Variants in DNAJC13 observed in about 807,000 individuals in gnomAD.
DNAJC13 encodes dnaJ homolog subfamily C member 13.
Under a neutral mutation model 290.5 loss-of-function variants are expected in DNAJC13, and 75 were observed. That is an observed-to-expected ratio of 0.26 (90% CI 0.21 to 0.31). The LOEUF (loss-of-function observed/expected upper bound fraction) is 0.31, where lower values mean the gene tolerates loss of function less well. DNAJC13 is among the 10% of genes least tolerant of loss of function. DNAJC13 has a pLI of 1.00. For synonymous variants in DNAJC13, 862 were observed against 892.0 expected (o/e 0.97, Z 0.60); for missense variants, 2,260 against 2,674.5 (o/e 0.85, Z 3.42).
chr3:132,499,617 C>T lies in DNAJC13; in HGVS notation c.4342-117C>T. The T allele has an allele frequency of 3.3e-6, 3 of 918,400 alleles. No homozygotes were observed. The Admixed American group carries it at 7.0e-5, about 21-fold the overall frequency. 56.9% of individuals were successfully genotyped at this position (918,400 alleles called of 1,614,324 possible). A position where few individuals can be genotyped will look rare whatever the true frequency, so the allele number is the denominator to read the frequency against. ...TATTTATTAACAAATGTTGATCAAA[C>T]ATTTATGTATCAAATATTTAACATT... On this transcript the variant is annotated intron_variant, in intron 37 of 55. Coordinates refer to ENST00000260818, the MANE Select transcript of DNAJC13 (RefSeq NM_015268.4).
chr3:132,421,147 T>C (rs1339839998), intron 1 of DNAJC13, among the ~76,000 whole-genome samples: 1 of 152,202 alleles, frequency 6.6e-6, no homozygotes, highest in Admixed American at 6.5e-5. Context: ...GTAACATATA[T>C]GTGAATGTAT....
intron 34 of DNAJC13, 105 bp from the exon 35 acceptor site, chr3:132,494,983 T>C: frequency 1.4e-6 from 1 of 740,574 alleles, no homozygotes; most frequent in South Asian, 2.3e-5. Flanking sequence ...TATAATCATA[T>C]ACAATTCTTG....
chr3:132,479,427 A>G, intron 25 of DNAJC13, 138 bp downstream of exon 25: 4 of 608,688 alleles, frequency 6.6e-6, no homozygotes, highest in East Asian at 5.7e-5. Flanking sequence ...TGTGTGCTCT[A>G]ATCTCCTGGA....
chr3:132,495,974 T>C lies in DNAJC13; in HGVS notation c.4021-554T>C, dbSNP rs1281136335. On this transcript the variant is annotated intron_variant, in intron 35 of 55. Coordinates refer to ENST00000260818, the MANE Select transcript of DNAJC13 (RefSeq NM_015268.4). ...ATAAAGCTACAATAGTAAAACAATA[T>C]GATACTGACACAAGAATCTACATAT... is the stretch of plus-strand genomic sequence containing the variant. Among the ~76,000 whole-genome samples, 3 of 152,144 alleles carry C rather than the reference T, an allele frequency of 2.0e-5. No homozygotes were observed. In the East Asian group the frequency reaches 5.8e-4, roughly 29 times the overall value.
chr3:132,529,951 G>T (rs150480760), intron 54 of DNAJC13, among the ~76,000 whole-genome samples: 1 of 152,120 alleles, frequency 6.6e-6, no homozygotes, highest in African/African-American at 2.4e-5. Context: ...GCTCTCCTGC[G>T]TACCACTTGC....
At chr3:132,457,393 A>G in intron 13 of DNAJC13, 25 bp downstream of exon 13, 1 of 1,593,032 alleles carries the variant, frequency 6.3e-7, no homozygotes. Context: ...TCTTAAGGAA[A>G]CTGGTTTTTC....
Position 132,451,305 on chromosome 3 carries a change from G to GA in DNAJC13, c.537+467dup, listed in dbSNP as rs1168176570. On this transcript the variant is annotated intron_variant, in intron 6 of 55. Coordinates refer to ENST00000260818, the MANE Select transcript of DNAJC13 (RefSeq NM_015268.4). Reference sequence around the variant, plus strand: ...GTGAGACCTTGTTCTGCACAAAAAGGAAAAAAAAATGAAAAAAGTAATTTA... The same window carrying GA: ...GTGAGACCTTGTTCTGCACAAAAAGGAAAAAAAAAATGAAAAAAGTAATTTA... Among the ~76,000 whole-genome samples the GA allele has an allele frequency of 1.3e-4, 20 of 149,424 alleles. No homozygotes were observed. The East Asian group carries it at 1.4e-3, about 10-fold the overall frequency.
At chr3:132,472,063 A>C (rs1227654317) in intron 20 of DNAJC13, among the ~76,000 whole-genome samples, 2 of 150,332 alleles carry the variant, frequency 1.3e-5, no homozygotes, top group African/African-American at 4.9e-5. Flanking sequence ...CGGCCAACAC[A>C]GCGAAACCCC....
intron 22 of DNAJC13, 28 bp from the exon 23 acceptor site, chr3:132,477,761 A>G: frequency 6.5e-7 from 1 of 1,531,548 alleles, no homozygotes; most frequent in Non-Finnish European, 8.9e-7. Flanking sequence ...GTAAACTAAA[A>G]TAGTGTAATT....
At chr3:132,450,027 A>T (rs1176341234) in intron 5 of DNAJC13, among the ~76,000 whole-genome samples, 1 of 152,124 alleles carries the variant, frequency 6.6e-6, no homozygotes, top group Non-Finnish European at 1.5e-5. Context: ...TCTGACACTC[A>T]GCTACTTTAA....
At chr3:132,528,536 A>G (rs1559914968) in intron 54 of DNAJC13, among the ~76,000 whole-genome samples, 1 of 152,242 alleles carries the variant, frequency 6.6e-6, no homozygotes. Flanking sequence ...ATTCAGGAGA[A>G]TTCTTCTGGA....
At chr3:132,465,516 T>A (rs1433611357) in intron 17 of DNAJC13, among the ~76,000 whole-genome samples, 1 of 152,182 alleles carries the variant, frequency 6.6e-6, no homozygotes, top group Non-Finnish European at 1.5e-5. Context: ...GTGGTTTAGG[T>A]CTTTGCCCAA....
chr3:132,447,699 A>T (rs927200483), intron 4 of DNAJC13, among the ~76,000 whole-genome samples, 199 bp from the exon 5 acceptor site: 1 of 152,072 alleles, frequency 6.6e-6, no homozygotes, highest in African/African-American at 2.4e-5. Flanking sequence ...TATGCAGGAG[A>T]AAGCATTGTA....
Position 132,453,339 on chromosome 3 carries a change from T to G in DNAJC13, c.579T>G (p.Ser193Arg). 6.2e-7 allele frequency: 1 copy of G among 1,613,868 alleles called. No individual in the cohort carries two copies. Among genetic ancestry groups the G allele is most frequent in the Non-Finnish European group, 8.5e-7 (1 of 1,179,894 alleles). The change falls in exon 7 of 56, where the codon AGT (serine) becomes AGG (arginine). Residue 193 changes from serine (S) to arginine (R), a missense_variant. Coordinates refer to ENST00000260818, the MANE Select transcript of DNAJC13 (RefSeq NM_015268.4). Reference protein sequence around the residue: ...ASEQREEIIKSAIDHAGNYIG... With the variant: ...ASEQREEIIKRAIDHAGNYIG... ...AGCAAAGAGAAGAGATTATTAAAAG[T>G]GCAATAGACCATGCTGGTAACTACA...
In DNAJC13 at chr3:132,461,264, A is replaced by T. The variant is rs1933786554; in HGVS notation, c.1713+59A>T. 3 of 1,568,070 alleles carry T rather than the reference A, an allele frequency of 1.9e-6. No individual in the cohort carries two copies. The Admixed American group carries it at 5.1e-5, about 26-fold the overall frequency. On this transcript the variant is annotated intron_variant, in intron 15 of 55. Coordinates refer to ENST00000260818, the MANE Select transcript of DNAJC13 (RefSeq NM_015268.4). Reference sequence around the variant, plus strand: ...TGAATTTAAGGGAACCGCTTTTAGGATCACTGTTTCTAAGATAACATTTGC... The same window carrying T: ...TGAATTTAAGGGAACCGCTTTTAGGTTCACTGTTTCTAAGATAACATTTGC...
chr3:132,487,580 A>G (rs901769767), intron 29 of DNAJC13, among the ~76,000 whole-genome samples: 6 of 42,218 alleles, frequency 1.4e-4, no homozygotes, highest in African/African-American at 9.9e-4. Flanking sequence ...TTTTTTTTTT[A>G]CTGGGAGCAT....
At chr3:132,522,007 A>G (rs1936105842) in intron 48 of DNAJC13, among the ~76,000 whole-genome samples, 1 of 152,176 alleles carries the variant, frequency 6.6e-6, no homozygotes, top group African/African-American at 2.4e-5. Context: ...AATTTGTAGT[A>G]TATCTCTGGC....
chr3:132,514,638 G>A lies in DNAJC13; in HGVS notation c.5453G>A (p.Ser1818Asn). 8.7e-6 allele frequency: 14 copies of A among 1,611,230 alleles called. No homozygotes were observed. Among genetic ancestry groups the A allele is most frequent in the Non-Finnish European group, 1.2e-5 (14 of 1,178,710 alleles). The change falls in exon 46 of 56, where the codon AGT (serine) becomes AAT (asparagine). Residue 1818 changes from serine to asparagine, a missense_variant. Ser to Asn is a conservative substitution (Grantham distance 46). Around this residue, in one of 3 missense-constraint regions of DNAJC13, gnomAD observed 1,494 missense variants for 1,693.7 expected, o/e 0.88. Coordinates refer to ENST00000260818, the MANE Select transcript of DNAJC13 (RefSeq NM_015268.4). ...NNIAESMVLS[S>N]LLALLHSLPS... ...ATTGCTGAATCAATGGTTTTGTCCA[G>A]TTTATTGGCTCTTCTACATTCATTG...
intron 20 of DNAJC13, among the ~76,000 whole-genome samples, chr3:132,468,896 A>G (rs925827780): frequency 2.0e-5 from 3 of 152,196 alleles, no homozygotes; most frequent in Non-Finnish European, 2.9e-5. Flanking sequence ...TACTGTAGAT[A>G]AGTTTTTGGC....
Sources: allele counts gnomAD v4.1 joint callset (sites outside exome capture counted in the v4.1 genomes callset), GRCh38; gene constraint gnomAD v4.1.1; regional missense constraint gnomAD v4.1.1; transcripts MANE v1.5; gene names NCBI Gene and HGNC (gene_info 2026-07-23, HGNC 2026-07-21).